The following PPARGC1B variants were observed in gnomAD, a reference collection of about 807,000 sequenced individuals.
The protein encoded by PPARGC1B is peroxisome proliferator-activated receptor gamma coactivator 1-beta.
In PPARGC1B, 34 loss-of-function variants were observed where a neutral mutation model predicts 101.6. The observed-to-expected ratio is 0.33, with a 90% CI of 0.25 to 0.45. The LOEUF is 0.45. PPARGC1B is among the 20% of genes least tolerant of loss of function. The pLI is 1.00. For missense variants in PPARGC1B, 1,234 were observed against 1,317.6 expected, an observed-to-expected ratio of 0.94 and a Z score of 0.98; for synonymous variants, 548 against 539.3, an observed-to-expected ratio of 1.02 and a Z score of -0.22.
chr5:149,741,817 A>C (rs1754918773), intron 1 of PPARGC1B, among the ~76,000 whole-genome samples: 1 of 151,916 alleles, frequency 6.6e-6, no homozygotes, highest in Non-Finnish European at 1.5e-5. Flanking sequence ...TTTAGTAGAG[A>C]TGGGGTTTCA....
intron 10 of PPARGC1B, 50 bp from the exon 11 acceptor site, chr5:149,845,710 T>C (rs781454875): frequency 6.5e-7 from 1 of 1,535,360 alleles, no homozygotes; most frequent in Admixed American, 1.9e-5. Flanking sequence ...GGTCTCACAG[T>C]GTCCACCCAG....
At chr5:149,825,246 T>A (rs537839279) in intron 2 of PPARGC1B, among the ~76,000 whole-genome samples, 1 of 152,376 alleles carries the variant, frequency 6.6e-6, no homozygotes, top group African/African-American at 2.4e-5. Flanking sequence ...ACTCTTGCTG[T>A]CCAAGTCCTG....
At chr5:149,733,077 C>T (rs1366789543) in intron 1 of PPARGC1B, among the ~76,000 whole-genome samples, 5 of 152,208 alleles carry the variant, frequency 3.3e-5, no homozygotes, top group Admixed American at 2.6e-4. Context: ...AACCCCCTCT[C>T]CTCCCCCAAA....
intron 1 of PPARGC1B, among the ~76,000 whole-genome samples, chr5:149,743,577 T>A (rs1754985586): frequency 6.6e-6 from 1 of 152,180 alleles, no homozygotes; most frequent in Admixed American, 6.5e-5. Flanking sequence ...CAATAAATAG[T>A]TGTTGGATGA....
intron 1 of PPARGC1B, chr5:149,732,744 T>C (rs1370429951): frequency 2.1e-6 from 1 of 467,812 alleles, no homozygotes; most frequent in Admixed American, 2.4e-5. Flanking sequence ...TGCTCCTCCT[T>C]ATTTTACAGC....
chr5:149,801,718 A>G (rs1292896969), intron 1 of PPARGC1B, among the ~76,000 whole-genome samples: 1 of 152,122 alleles, frequency 6.6e-6, no homozygotes, highest in African/African-American at 2.4e-5. Context: ...GCTGGAGTAG[A>G]GGCAGGAGGC....
At chr5:149,796,940 T>C (rs553556372) in intron 1 of PPARGC1B, among the ~76,000 whole-genome samples, 1 of 152,296 alleles carries the variant, frequency 6.6e-6, no homozygotes, top group East Asian at 1.9e-4. Context: ...ACAGAGTTAA[T>C]GCATGGAAGG....
chr5:149,845,624 A>G (rs1365052405), intron 10 of PPARGC1B, 136 bp from the exon 11 acceptor site: 2 of 860,976 alleles, frequency 2.3e-6, no homozygotes, highest in South Asian at 1.7e-5. Context: ...AGTGGTCATC[A>G]TCATCTCTAT....
Position 149,850,172 on chromosome 5 carries a change from A to ATG in PPARGC1B, c.*2615_*2616dup, listed in dbSNP as rs1445043060. 2 of 152,350 alleles carry ATG rather than the reference A, an allele frequency of 1.3e-5. No homozygotes were observed. The highest frequency in any genetic ancestry group is 4.8e-5 in the African/African-American group (2 of 41,578). The allele number at this position is 152,350 out of a possible 1,614,324, so 9.4% of individuals were successfully genotyped here. On this transcript the variant is annotated 3_prime_UTR_variant, in exon 12 of 12. Coordinates refer to ENST00000309241, the MANE Select transcript of PPARGC1B (RefSeq NM_133263.4). ...TGTGCTGAAAGGAGTTGGTCCATATATGATCTCTTAGCCCCTCCTATTTGC... is the reference window on the plus strand; with the variant it reads ...TGTGCTGAAAGGAGTTGGTCCATATATGTGATCTCTTAGCCCCTCCTATTTGC...
Position 149,784,293 on chromosome 5 carries a change from C to G in PPARGC1B, c.79-36140C>G, listed in dbSNP as rs575202789. Among the ~76,000 whole-genome samples the G allele has an allele frequency of 1.4e-4, 22 of 152,186 alleles. No homozygotes were observed. The South Asian group carries it at 2.1e-3, about 14-fold the overall frequency. Reference sequence around the variant, plus strand: ...CCTCCTTCCCTTCATTTTACTTCCTCCCACTCAGAGGCCACGCTCTCACAA... The same window carrying G: ...CCTCCTTCCCTTCATTTTACTTCCTGCCACTCAGAGGCCACGCTCTCACAA... On this transcript the variant is annotated intron_variant, in intron 1 of 11. Coordinates refer to ENST00000309241, the MANE Select transcript of PPARGC1B (RefSeq NM_133263.4).
chr5:149,847,640 T>C lies in PPARGC1B; in HGVS notation c.*82T>C. Reference sequence around the variant, plus strand: ...TGTTTACGTTTTCAAAGAAATCAAGTATATGAGGAGAGCGAGCGAGCGTGA... The same window carrying C: ...TGTTTACGTTTTCAAAGAAATCAAGCATATGAGGAGAGCGAGCGAGCGTGA... On this transcript the variant is annotated 3_prime_UTR_variant, in exon 12 of 12. Transcript: ENST00000309241. 9.1e-7 allele frequency: 1 copy of C among 1,101,014 alleles called. No homozygotes were observed. Among genetic ancestry groups the C allele is most frequent in the East Asian group, 2.4e-5 (1 of 42,224 alleles). The allele number at this position is 1,101,014 out of a possible 1,614,324, so 68.2% of individuals were successfully genotyped here.
chr5:149,789,644 G>A (rs534770343), intron 1 of PPARGC1B, among the ~76,000 whole-genome samples: 4 of 152,178 alleles, frequency 2.6e-5, no homozygotes, highest in South Asian at 2.1e-4. Context: ...TACAGAAAAC[G>A]ACACTTGAAC....
intron 1 of PPARGC1B, among the ~76,000 whole-genome samples, chr5:149,775,717 A>AC (rs35325541): frequency 0.61 from 93,267 of 151,782 alleles, 28,918 homozygotes; most frequent in East Asian, 0.78. Context: ...TGATGCCCAC[A>AC]CTCTTCCCTG....
chr5:149,834,669 T>A lies in PPARGC1B; in HGVS notation c.1706-5T>A. 6 of 1,613,268 alleles carry A rather than the reference T, an allele frequency of 3.7e-6. No individual in the cohort carries two copies. The highest frequency in any genetic ancestry group is 5.1e-6 in the Non-Finnish European group (6 of 1,179,202). On this transcript the variant is annotated splice_region_variant and splice_polypyrimidine_tract_variant and intron_variant, in intron 5 of 11. Coordinates refer to ENST00000309241, the MANE Select transcript of PPARGC1B (RefSeq NM_133263.4). ...GAATCTTATTTTTCTGTGTCTTCTTTTCAGACTCTCCCAGGTGCCTCATGC... is the reference window on the plus strand; with the variant it reads ...GAATCTTATTTTTCTGTGTCTTCTTATCAGACTCTCCCAGGTGCCTCATGC...
chr5:149,752,786 A>G (rs532678345), intron 1 of PPARGC1B, among the ~76,000 whole-genome samples: 129 of 152,308 alleles, frequency 8.5e-4, no homozygotes, highest in African/African-American at 2.9e-3. Context: ...CCAAGATCGT[A>G]CCATTGCACT....
At chr5:149,755,635 T>G (rs559523984) in intron 1 of PPARGC1B, among the ~76,000 whole-genome samples, 122 of 146,872 alleles carry the variant, frequency 8.3e-4, no homozygotes, top group Admixed American at 1.0e-3. Context: ...TTATTATTAT[T>G]ATTATTATTA....
chr5:149,811,241 A>C (rs1757847811), intron 1 of PPARGC1B, among the ~76,000 whole-genome samples: 1 of 152,234 alleles, frequency 6.6e-6, no homozygotes. Context: ...TTCAGGATGC[A>C]TTCAGCTGGA....
At chr5:149,772,426 A>G (rs1480680091) in intron 1 of PPARGC1B, among the ~76,000 whole-genome samples, 1 of 152,028 alleles carries the variant, frequency 6.6e-6, no homozygotes, top group African/African-American at 2.4e-5. Flanking sequence ...TTGCTGTTGT[A>G]TTGCTTTGCT....
chr5:149,805,002 G>A (rs905031919), intron 1 of PPARGC1B, among the ~76,000 whole-genome samples: 2 of 152,200 alleles, frequency 1.3e-5, no homozygotes, highest in African/African-American at 4.8e-5. Context: ...TGAGCGATGA[G>A]CCCTGGTATC....
Sources: gnomAD v4.1 joint callset for allele counts (sites outside exome capture counted in the v4.1 genomes callset) on GRCh38, gnomAD v4.1.1 for gene constraint, MANE v1.5 for transcripts, NCBI Gene and HGNC (gene_info 2026-07-23, HGNC 2026-07-21) for gene names.